The following CC2D1A variants were observed in gnomAD, a reference collection of about 807,000 sequenced individuals.
CC2D1A encodes the protein coiled-coil and C2 domain containing 1A, also known as coiled-coil and C2 domain-containing protein 1A.
In CC2D1A, 68 loss-of-function variants were observed where a neutral mutation model predicts 123.8. The ratio of observed to expected loss-of-function variants is 0.55; its 90% confidence interval spans 0.45 to 0.67. The LOEUF (loss-of-function observed/expected upper bound fraction) is 0.67, where lower values mean the gene tolerates loss of function less well. Ranked by LOEUF, CC2D1A falls within the 30% of genes least tolerant of loss-of-function variation. CC2D1A has a pLI of 0.00. For missense variants in CC2D1A, 1,185 were observed against 1,290.3 expected (o/e 0.92, Z 1.25); for synonymous variants, 477 against 528.0 (o/e 0.90, Z 1.32).
chr19:13,910,339 C>T (rs185945906), intron 2 of CC2D1A, among the ~76,000 whole-genome samples: 32 of 140,826 alleles, frequency 2.3e-4, no homozygotes, highest in Admixed American at 2.3e-4. Context: ...ACCAGGGAGG[C>T]GGAGCTTGCA....
chr19:13,912,694 C>A, intron 4 of CC2D1A, 101 bp downstream of exon 4: 2 of 1,241,472 alleles, frequency 1.6e-6, no homozygotes, highest in Non-Finnish European at 2.3e-6. Context: ...GCTGTGTCAC[C>A]CAGGCTGGAG....
Position 13,920,683 on chromosome 19 carries a change from C to T in CC2D1A, c.1468+15C>T, listed in dbSNP as rs1971380730. The T allele has an allele frequency of 1.2e-6, 2 of 1,606,804 alleles. No homozygotes were observed. Among genetic ancestry groups the T allele is most frequent in the Admixed American group, 1.7e-5 (1 of 58,848 alleles). ...ATCCACCAGAGGTAAGTTCCCCCTC[C>T]CCGCCCCAGCTGCCTGTTGCCTGGC... On this transcript the variant is annotated intron_variant, in intron 13 of 28. Coordinates refer to ENST00000318003, the MANE Select transcript of CC2D1A (RefSeq NM_017721.5).
At chr19:13,910,045 G>T in intron 2 of CC2D1A, 87 bp downstream of exon 2, 12 of 1,285,238 alleles carry the variant, frequency 9.3e-6, no homozygotes, top group Middle Eastern at 2.1e-4. Context: ...GTAGGTAGGG[G>T]AAAGAAGACA....
chr19:13,923,297 C>T lies in CC2D1A; in HGVS notation c.1642-36C>T. ...CAGAGCCCTAGGTGGGCCTGCTTGT[C>T]CTCCTTACCCCCGCCACCAGCCTCG... is the stretch of plus-strand genomic sequence containing the variant. On this transcript the variant is annotated intron_variant, in intron 14 of 28. Transcript: ENST00000318003. The surrounding 1 kb of genome is among the most constrained non-coding windows in gnomAD (Gnocchi z 5.3). The T allele has an allele frequency of 6.3e-7, 1 of 1,580,782 alleles. No individual in the cohort carries two copies. The highest frequency in any genetic ancestry group is 8.5e-7 in the Non-Finnish European group (1 of 1,170,174).
chr19:13,928,271 A>G (rs1568421869), intron 24 of CC2D1A, 83 bp downstream of exon 24: 1 of 1,225,212 alleles, frequency 8.2e-7, no homozygotes, highest in Non-Finnish European at 1.2e-6. Flanking sequence ...ACCAGGCACA[A>G]ATTGGACCAC....
In CC2D1A at chr19:13,915,745, C is replaced by T. The variant is rs998991866; in HGVS notation, c.748+2107C>T. ...CCTCGAGAAGCTGAGGTGGGAGGTTCGCTTGAGTCCAGGAGTTCAAGGCTG... is the reference window on the plus strand; with the variant it reads ...CCTCGAGAAGCTGAGGTGGGAGGTTTGCTTGAGTCCAGGAGTTCAAGGCTG... On this transcript the variant is annotated intron_variant, in intron 6 of 28. Coordinates refer to ENST00000318003, the MANE Select transcript of CC2D1A (RefSeq NM_017721.5). 2.6e-5 allele frequency among the ~76,000 whole-genome samples: 4 copies of T among 152,012 alleles called. No homozygotes were observed. In the South Asian group the frequency reaches 6.2e-4, roughly 24 times the overall value.
At chr19:13,915,638 T>C (rs1971181239) in intron 6 of CC2D1A, among the ~76,000 whole-genome samples, 1 of 151,838 alleles carries the variant, frequency 6.6e-6, no homozygotes, top group Non-Finnish European at 1.5e-5. Context: ...AAGAGCAGTC[T>C]AGGCAACATA....
intron 17 of CC2D1A, among the ~76,000 whole-genome samples, chr19:13,925,823 G>A: frequency 6.7e-6 from 1 of 149,082 alleles, no homozygotes; most frequent in Non-Finnish European, 1.5e-5. Flanking sequence ...AGGAGGCTGA[G>A]GCAGAAGAAT....
chr19:13,923,942 A>G lies in CC2D1A; in HGVS notation c.1940+131A>G. The G allele has an allele frequency of 3.0e-6, 2 of 674,962 alleles. No individual in the cohort carries two copies. The highest frequency in any genetic ancestry group is 3.5e-5 in the South Asian group (2 of 57,106). 41.8% of individuals were successfully genotyped at this position (674,962 alleles called of 1,614,324 possible). A position where few individuals can be genotyped will look rare whatever the true frequency, so the allele number is the denominator to read the frequency against. On this transcript the variant is annotated intron_variant, in intron 17 of 28. Transcript: ENST00000318003. The surrounding 1 kb of genome is among the most constrained non-coding windows in gnomAD (Gnocchi z 5.3). ...AAATTTTGGATAGGTGGAAGAGCACAGAGCATGCAAAGGCTCTGGGGCAGG... is the reference window on the plus strand; with the variant it reads ...AAATTTTGGATAGGTGGAAGAGCACGGAGCATGCAAAGGCTCTGGGGCAGG...
intron 6 of CC2D1A, among the ~76,000 whole-genome samples, chr19:13,916,173 C>T (rs1225493235): frequency 6.6e-6 from 1 of 152,130 alleles, no homozygotes; most frequent in Admixed American, 6.6e-5. Context: ...AAGAGAATCA[C>T]TTGAACCCAG....
chr19:13,913,156 GC>G lies in CC2D1A; in HGVS notation c.379-9del. The G allele has an allele frequency of 6.3e-7, 1 of 1,596,976 alleles. No individual in the cohort carries two copies. Among genetic ancestry groups the G allele is most frequent in the Non-Finnish European group, 8.5e-7 (1 of 1,173,178 alleles). The stretch of plus-strand genomic sequence containing the variant: ...GGGTCACCACCCACACTGTGCCCCT[GC>G]CCTCCCACAGCCGAAGCCTGAGGCC... On this transcript the variant is annotated splice_polypyrimidine_tract_variant and intron_variant, in intron 4 of 28. Coordinates refer to ENST00000318003, the MANE Select transcript of CC2D1A (RefSeq NM_017721.5).
Position 13,926,729 on chromosome 19 carries a change from C to G in CC2D1A, c.2073+4C>G. The G allele has an allele frequency of 1.2e-6, 2 of 1,614,116 alleles. No homozygotes were observed. The highest frequency in any genetic ancestry group is 1.7e-6 in the Non-Finnish European group (2 of 1,180,002). On this transcript the variant is annotated splice_donor_region_variant and intron_variant, in intron 19 of 28. Coordinates refer to ENST00000318003, the MANE Select transcript of CC2D1A (RefSeq NM_017721.5). ...TGACTTCCCCTATCCCAACGTGGTA[C>G]GTGGGGAGCTGAGGAGGGGAGGGCT...
chr19:13,920,428 G>T (rs1971369647), intron 12 of CC2D1A, 129 bp from the exon 13 acceptor site: 1 of 686,032 alleles, frequency 1.5e-6, no homozygotes, highest in Non-Finnish European at 2.6e-6. Context: ...TTTGAGTGAG[G>T]CAGGGGAGTA....
chr19:13,920,648 C>G lies in CC2D1A; in HGVS notation c.1448C>G (p.Pro483Arg), dbSNP rs201884654. 2.2e-5 allele frequency: 36 copies of G among 1,610,552 alleles called. No homozygotes were observed. Among genetic ancestry groups the G allele is most frequent in the Non-Finnish European group, 3.1e-5 (36 of 1,178,364 alleles). Residue 483 changes from proline to arginine, a missense_variant, in exon 13 of 29, where the codon CCC (proline) becomes CGC (arginine). By Grantham distance (103) the Pro-to-Arg change is moderately radical. Coordinates refer to ENST00000318003, the MANE Select transcript of CC2D1A (RefSeq NM_017721.5). ...SGSAPTAKAP[P>R]KATSTRAQQQ... ...TCAGCCCCAACAGCCAAAGCGCCCC[C>G]CAAAGCCACATCCACCAGAGGTAAG... is the stretch of plus-strand genomic sequence containing the variant.
At position 13,919,280 on chromosome 19, in the gene CC2D1A, C is replaced by G. The variant is rs1568412234; in HGVS notation, c.1222+78C>G. 6.4e-5 allele frequency: 73 copies of G among 1,136,934 alleles called. 1 individual carries two copies. Among genetic ancestry groups the G allele is most frequent in the Non-Finnish European group, 2.5e-6 (2 of 803,054 alleles). The allele number at this position is 1,136,934 out of a possible 1,614,324, so 70.4% of individuals were successfully genotyped here. A position where few individuals can be genotyped will look rare whatever the true frequency, so the allele number is the denominator to read the frequency against. On this transcript the variant is annotated intron_variant, in intron 11 of 28. Transcript: ENST00000318003. ...CCGCCCCCAGAGGCCCCGCCGCTGG[C>G]AGGCTGTGCCCCAAGCTCCTGTTCC...
chr19:13,913,332 C>T (rs775450692), intron 5 of CC2D1A, 30 bp downstream of exon 5: 4 of 1,605,302 alleles, frequency 2.5e-6, no homozygotes, highest in Admixed American at 3.4e-5. Flanking sequence ...GGTACAGGGA[C>T]CCCCCGCCAA....
chr19:13,923,890 A>T lies in CC2D1A; in HGVS notation c.1940+79A>T. ...GGTGGGGCGGGTTGTGCTCCCCAGA[A>T]GCTGGCACAAGATTTACATCTGGAA... On this transcript the variant is annotated intron_variant, in intron 17 of 28. Transcript: ENST00000318003. The surrounding 1 kb of genome is among the most constrained non-coding windows in gnomAD (Gnocchi z 5.3). 1 of 1,037,848 alleles carries T rather than the reference A, an allele frequency of 9.6e-7. No individual in the cohort carries two copies. The highest frequency in any genetic ancestry group is 1.5e-6 in the Non-Finnish European group (1 of 672,696). 64.3% of individuals were successfully genotyped at this position (1,037,848 alleles called of 1,614,324 possible).
Position 13,913,456 on chromosome 19 carries a change from C to T in CC2D1A, c.566C>T (p.Ala189Val), listed in dbSNP as rs61740117. 0.01 allele frequency: 16,610 copies of T among 1,614,202 alleles called. 106 individuals are homozygous for T. Among genetic ancestry groups the T allele is most frequent in the Non-Finnish European group, 0.013 (15,108 of 1,180,040 alleles). The change falls in exon 6 of 29, where the codon GCG becomes GTG. Residue 189 changes from alanine (A) to valine (V), a missense_variant. Coordinates refer to ENST00000318003, the MANE Select transcript of CC2D1A (RefSeq NM_017721.5). ...CGTAAGGGCAATGCCATTGACGAAG[C>T]GGACATCCCGCCGCCAGTGGCCATA... ...SIRKGNAIDE[A>V]DIPPPVAIGK...
intron 6 of CC2D1A, among the ~76,000 whole-genome samples, chr19:13,917,537 A>C (rs928264797): frequency 6.6e-6 from 1 of 152,228 alleles, no homozygotes; most frequent in African/African-American, 2.4e-5. Context: ...TGAGGTCAGG[A>C]GTTTGAGACC....
Sources: gnomAD v4.1 joint callset for allele counts (sites outside exome capture counted in the v4.1 genomes callset) on GRCh38, gnomAD v4.1.1 for gene constraint, Gnocchi (gnomAD v3.1) non-coding constraint, MANE v1.5 for transcripts, NCBI Gene and HGNC (gene_info 2026-07-23, HGNC 2026-07-21) for gene names.